Variants in GMDS observed in about 807,000 individuals in gnomAD.
GMDS encodes the protein GDP-mannose 4,6-dehydratase.
A neutral mutation model predicts 49.9 loss-of-function variants in GMDS; 20 were observed. That is an observed-to-expected ratio of 0.40 (90% CI 0.28 to 0.58). The LOEUF is 0.58. Ranked by LOEUF, GMDS falls within the 20% of genes least tolerant of loss-of-function variation. The pLI is 0.42. For synonymous variants in GMDS, 177 were observed against 178.6 expected, an observed-to-expected ratio of 0.99 and a Z score of 0.07; for missense variants, 362 against 481.4, an observed-to-expected ratio of 0.75 and a Z score of 2.32.
chr6:1,677,623 A>G (rs1046977285), intron 9 of GMDS, among the ~76,000 whole-genome samples: 1 of 152,130 alleles, frequency 6.6e-6, no homozygotes, highest in African/African-American at 2.4e-5. Context: ...GCCATAAAAA[A>G]GGATGAGTTC....
intron 4 of GMDS, among the ~76,000 whole-genome samples, chr6:2,097,829 T>C (rs956811404): frequency 6.6e-6 from 1 of 152,168 alleles, no homozygotes; most frequent in African/African-American, 2.4e-5. Context: ...ATGGTTAGGA[T>C]AGTGACAAAC....
intron 7 of GMDS, among the ~76,000 whole-genome samples, chr6:1,926,794 A>C (rs2113917869): frequency 6.6e-6 from 1 of 152,366 alleles, no homozygotes; most frequent in Middle Eastern, 3.4e-3. Context: ...GACTTTGTTC[A>C]GAACACATAA....
chr6:1,767,677 G>C (rs994160673), intron 7 of GMDS, among the ~76,000 whole-genome samples: 3 of 152,178 alleles, frequency 2.0e-5, no homozygotes, highest in African/African-American at 4.8e-5. Context: ...TTCTCTGGGG[G>C]TTGTTGCTTT....
chr6:1,980,644 A>G (rs1765171749), intron 4 of GMDS, among the ~76,000 whole-genome samples: 1 of 152,188 alleles, frequency 6.6e-6, no homozygotes, highest in South Asian at 2.1e-4. Context: ...ACAGATCATC[A>G]AAACAGAAAA....
intron 1 of GMDS, among the ~76,000 whole-genome samples, chr6:2,241,740 A>G (rs1210463789): frequency 1.3e-5 from 2 of 152,256 alleles, no homozygotes; most frequent in East Asian, 3.8e-4. Context: ...AGCTTTCAGC[A>G]GAAGCAGATG....
intron 7 of GMDS, among the ~76,000 whole-genome samples, chr6:1,903,934 C>T (rs1561877031): frequency 6.6e-6 from 1 of 152,170 alleles, no homozygotes; most frequent in Non-Finnish European, 1.5e-5. Flanking sequence ...AATTAATCCT[C>T]AGTGAAAGCC....
At chr6:1,885,827 G>A (rs546329028) in intron 7 of GMDS, among the ~76,000 whole-genome samples, 6 of 152,276 alleles carry the variant, frequency 3.9e-5, no homozygotes, top group Admixed American at 1.3e-4. Context: ...GCATCCAGCC[G>A]CAGGCAGAGG....
chr6:1,730,857 G>A (rs1022130608), intron 8 of GMDS, among the ~76,000 whole-genome samples: 1 of 151,992 alleles, frequency 6.6e-6, no homozygotes, highest in African/African-American at 2.4e-5. Flanking sequence ...CAAGTATTAC[G>A]AGACAGGAAA....
chr6:2,103,095 T>A (rs914023961), intron 4 of GMDS, among the ~76,000 whole-genome samples: 12 of 152,168 alleles, frequency 7.9e-5, no homozygotes, highest in Non-Finnish European at 1.2e-4. Flanking sequence ...CAGAATATGT[T>A]TAATGCTTCA....
intron 7 of GMDS, among the ~76,000 whole-genome samples, chr6:1,821,617 T>A (rs1174953041): frequency 9.9e-5 from 4 of 40,376 alleles, no homozygotes; most frequent in African/African-American, 3.2e-4. Flanking sequence ...ATTTGTTTTT[T>A]TTTTTTTTTT....
At chr6:1,879,153 C>T (rs769442495) in intron 7 of GMDS, among the ~76,000 whole-genome samples, 1 of 152,096 alleles carries the variant, frequency 6.6e-6, no homozygotes, top group African/African-American at 2.4e-5. Flanking sequence ...AATTTCATTA[C>T]AGACATGGAA....
Position 2,139,881 on chromosome 6 carries a change from G to A in GMDS, c.103-15150C>T, listed in dbSNP as rs1030904519. On this transcript the variant is annotated intron_variant, in intron 1 of 10. Coordinates refer to ENST00000380815, the MANE Select transcript of GMDS (RefSeq NM_001500.4). ...AAGCCAGAACTCACAGGAAGACGTC[G>A]TGAAAGAGGGAGAAAGACTTGAGCT... Among the ~76,000 whole-genome samples the A allele has an allele frequency of 2.6e-5, 4 of 152,208 alleles. No individual in the cohort carries two copies. The South Asian group carries it at 6.2e-4, about 24-fold the overall frequency.
intron 1 of GMDS, among the ~76,000 whole-genome samples, chr6:2,130,509 G>A (rs940489652): frequency 1.3e-5 from 2 of 152,170 alleles, no homozygotes; most frequent in Admixed American, 1.3e-4. Flanking sequence ...TCGCAAACAG[G>A]TGCTCAGTGG....
In GMDS at chr6:1,743,526, G is replaced by A. The variant is rs1382612599; in HGVS notation, c.772-940C>T. ...CCACTGCACTCCAGCCTGGACGACA[G>A]AACCAGACTCCATCTCAAAAAAAAA... On this transcript the variant is annotated intron_variant, in intron 7 of 10. Transcript: ENST00000380815. Among the ~76,000 whole-genome samples the A allele has an allele frequency of 1.3e-4, 15 of 115,158 alleles. 1 individual carries two copies. In the South Asian group the frequency reaches 1.7e-3, roughly 13 times the overall value. The allele number at this position is 115,158 out of a possible 152,430, so 75.5% of individuals were successfully genotyped here.
chr6:1,624,719 G>A (rs570465330), intron 9 of GMDS, 179 bp from the exon 10 acceptor site: 1 of 598,112 alleles, frequency 1.7e-6, no homozygotes, highest in South Asian at 2.0e-5. Flanking sequence ...TAAATCACTA[G>A]GTCGCGGTTA....
At position 2,145,399 on chromosome 6, in the gene GMDS, G is replaced by A. The variant is rs182969882; in HGVS notation, c.103-20668C>T. 2.3e-3 allele frequency among the ~76,000 whole-genome samples: 348 copies of A among 152,022 alleles called. 2 individuals are homozygous for A. Among genetic ancestry groups the A allele is most frequent in the African/African-American group, 7.5e-3 (311 of 41,468 alleles). On this transcript the variant is annotated intron_variant, in intron 1 of 10. Coordinates refer to ENST00000380815, the MANE Select transcript of GMDS (RefSeq NM_001500.4). ...AAAAAAATATAAAAATTAGCCGGGC[G>A]TGGTGGTGGATGCCTGTAATCCCAG...
At chr6:1,703,580 T>C (rs1390012393) in intron 9 of GMDS, among the ~76,000 whole-genome samples, 1 of 152,212 alleles carries the variant, frequency 6.6e-6, no homozygotes, top group African/African-American at 2.4e-5. Context: ...TCTTCCCTAC[T>C]CCCCAATAAA....
intron 8 of GMDS, among the ~76,000 whole-genome samples, chr6:1,728,873 C>T (rs1017510655): frequency 3.3e-5 from 5 of 151,588 alleles, no homozygotes; most frequent in African/African-American, 1.2e-4. Context: ...CTTATTTTTT[C>T]TTCCTTATTA....
chr6:1,702,146 T>G (rs926660837), intron 9 of GMDS, among the ~76,000 whole-genome samples: 12 of 152,264 alleles, frequency 7.9e-5, no homozygotes, highest in African/African-American at 2.9e-4. Context: ...TTCTCAGCAA[T>G]GCCTGATGCA....
Sources: gnomAD v4.1 joint callset for allele counts (sites outside exome capture counted in the v4.1 genomes callset) on GRCh38, gnomAD v4.1.1 for gene constraint, MANE v1.5 for transcripts, NCBI Gene and HGNC (gene_info 2026-07-23, HGNC 2026-07-21) for gene names.